TEPSIN: variants seen among roughly 807,000 people sequenced by gnomAD.
The protein encoded by TEPSIN is AP-4 complex accessory subunit tepsin.
Under a neutral mutation model 48.5 loss-of-function variants are expected in TEPSIN, and 50 were observed. The ratio of observed to expected loss-of-function variants is 1.03; its 90% CI spans 0.82 to 1.31. The LOEUF is 1.31. Ranked by LOEUF, TEPSIN falls within the 50% of genes most tolerant of loss-of-function variation. The pLI, the probability that TEPSIN is intolerant of heterozygous loss-of-function variation, is 0.00. For synonymous variants in TEPSIN, 392 were observed against 358.8 expected (o/e 1.09, Z -1.05); for missense variants, 838 against 815.9 (o/e 1.03, Z -0.33).
chr17:81,232,565 C>G, intron 7 of TEPSIN, 47 bp from the exon 8 acceptor site: 1 of 1,488,140 alleles, frequency 6.7e-7, no homozygotes, highest in South Asian at 1.2e-5. Flanking sequence ...GTGCGGCCCC[C>G]ACCCGCGTTC....
Position 81,229,388 on chromosome 17 carries a change from C to A in TEPSIN, c.1322G>T (p.Gly441Val), listed in dbSNP as rs764451646. 8 of 1,553,244 alleles carry A rather than the reference C, an allele frequency of 5.2e-6. No individual in the cohort carries two copies. The highest frequency in any genetic ancestry group is 1.2e-5 in the South Asian group (1 of 84,228). Residue 441 changes from glycine (G) to valine (V), a missense_variant, in exon 13 of 13, where the codon GGC becomes GTC. Gly to Val is a moderately radical substitution (Grantham distance 109). Transcript: ENST00000637944. Reference protein sequence around the residue: ...AEPGPTAALPGPSDLLTDAVP... With the variant: ...AEPGPTAALPVPSDLLTDAVP... ...AGCGTCGGTCAGCAGGTCAGATGGGCCTGGGAGGGCGGCTGTGGGGCCAGG... is the reference window on the plus strand; with the variant it reads ...AGCGTCGGTCAGCAGGTCAGATGGGACTGGGAGGGCGGCTGTGGGGCCAGG...
At chr17:81,231,798 G>A (rs2062617651) in intron 9 of TEPSIN, 49 bp downstream of exon 9, 3 of 1,608,154 alleles carry the variant, frequency 1.9e-6, no homozygotes, top group Non-Finnish European at 2.5e-6. Flanking sequence ...GAGGGGGACA[G>A]TGTGGTGCCT....
chr17:81,232,549 C>A, intron 7 of TEPSIN, 31 bp from the exon 8 acceptor site: 1 of 1,518,652 alleles, frequency 6.6e-7, no homozygotes, highest in Non-Finnish European at 8.8e-7. Flanking sequence ...ATGGGACGGC[C>A]GCCCAGTGCG....
chr17:81,229,641 T>A, intron 12 of TEPSIN, 165 bp from the exon 13 acceptor site: 1 of 705,534 alleles, frequency 1.4e-6, no homozygotes, highest in Non-Finnish European at 2.4e-6. Context: ...GTGCACCCAG[T>A]TGTCATCCCA....
At position 81,232,534 on chromosome 17, in the gene TEPSIN, G is replaced by C; in HGVS notation, c.527-16C>G. On this transcript the variant is annotated splice_polypyrimidine_tract_variant and intron_variant, in intron 7 of 12. Transcript: ENST00000637944. ...CCTGCCGAGCCTGTACCCGAGGAGA[G>C]GGAGATGGGACGGCCGCCCAGTGCG... 6.6e-7 allele frequency: 1 copy of C among 1,525,208 alleles called. No individual in the cohort carries two copies. Among genetic ancestry groups the C allele is most frequent in the Non-Finnish European group, 8.8e-7 (1 of 1,139,814 alleles). The allele number at this position is 1,525,208 out of a possible 1,614,324, so 94.5% of individuals were successfully genotyped here. A position where few individuals can be genotyped will look rare whatever the true frequency, so the allele number is the denominator to read the frequency against.
chr17:81,230,581 A>G lies in TEPSIN; in HGVS notation c.1196T>C (p.Met399Thr). The change falls in exon 12 of 13, where the codon ATG (methionine) becomes ACG (threonine). Residue 399 changes from methionine to threonine, a missense_variant. By Grantham distance (81) the Met-to-Thr change is moderately conservative (BLOSUM62 -1). Transcript: ENST00000637944. The surrounding 1 kb of genome is among the most constrained non-coding windows in gnomAD (Gnocchi z 4.2). ...RTRPWLQELS[M>T]GSPGPVTNKA... is the part of the protein sequence containing the mutation. ...GTTGGTCACAGGTCCCGGGCTGCCC[A>G]TGCTGAGCTCCTGCAGCCACGGCCG... is the stretch of plus-strand genomic sequence containing the variant. 6.2e-7 allele frequency: 1 copy of G among 1,611,710 alleles called. No homozygotes were observed. The highest frequency in any genetic ancestry group is 8.5e-7 in the Non-Finnish European group (1 of 1,179,108).
At chr17:81,238,293 C>T (rs1425534297) in intron 1 of TEPSIN, 2 of 480,770 alleles carry the variant, frequency 4.2e-6, no homozygotes, top group East Asian at 1.5e-4. Context: ...AACTGCAGAA[C>T]GCAGCACAGA....
chr17:81,233,286 G>C lies in TEPSIN; in HGVS notation c.526+146C>G. 2 of 938,808 alleles carry C rather than the reference G, an allele frequency of 2.1e-6. No individual in the cohort carries two copies. Among genetic ancestry groups the C allele is most frequent in the South Asian group, 3.4e-5 (2 of 59,434 alleles). The allele number at this position is 938,808 out of a possible 1,614,324, so 58.2% of individuals were successfully genotyped here. A position where few individuals can be genotyped will look rare whatever the true frequency, so the allele number is the denominator to read the frequency against. The stretch of plus-strand genomic sequence containing the variant: ...CGTCAGCAGCCAGAGAGAGACAGTG[G>C]GGACAGCCCCAGGAAGGGTTGAGGC... On this transcript the variant is annotated intron_variant, in intron 7 of 12. Transcript: ENST00000637944. The surrounding 1 kb of genome is among the most constrained non-coding windows in gnomAD (Gnocchi z 5.8).
chr17:81,232,794 G>C, intron 7 of TEPSIN: 3 of 429,850 alleles, frequency 7.0e-6, no homozygotes, highest in Non-Finnish European at 1.2e-5. Context: ...TGTCCTAAGG[G>C]GCTTGGGCTT....
In TEPSIN at chr17:81,230,775, T is replaced by C. The variant is rs955756133; in HGVS notation, c.1099-97A>G. ...TCTCTCTCCCTCTTCTTCCTCCTCA[T>C]CAATGACTGGAGTGCCAGGAGGCCC... On this transcript the variant is annotated intron_variant, in intron 11 of 12. Transcript: ENST00000637944. The surrounding 1 kb of genome is among the most constrained non-coding windows in gnomAD (Gnocchi z 4.2). 3.5e-6 allele frequency: 5 copies of C among 1,409,034 alleles called. No individual in the cohort carries two copies. The highest frequency in any genetic ancestry group is 3.7e-6 in the Non-Finnish European group (4 of 1,072,174). The allele number at this position is 1,409,034 out of a possible 1,614,324, so 87.3% of individuals were successfully genotyped here. A position where few individuals can be genotyped will look rare whatever the true frequency, so the allele number is the denominator to read the frequency against.
intron 3 of TEPSIN, 37 bp from the exon 4 acceptor site, chr17:81,236,838 G>A (rs748568089): frequency 7.1e-6 from 11 of 1,548,708 alleles, no homozygotes; most frequent in East Asian, 2.4e-5. Flanking sequence ...TGGGCAGGCC[G>A]GACACGGGAC....
rs2062660723 is a variant in TEPSIN at position 81,233,466 on chromosome 17, C to T, written c.492G>A (p.Gln164=). The change falls in exon 7 of 13, where the codon CAG becomes CAA. Residue 164 remains glutamine, a synonymous_variant. Transcript: ENST00000637944. The surrounding 1 kb of genome is among the most constrained non-coding windows in gnomAD (Gnocchi z 5.8). ...CGTGTTCCTTGCTGTAGCCGAAACC[C>T]TGGAGGGTGCTGTGCGGCCTGGCCT... The part of the protein sequence containing the change: ...GSQARPHSTL[Q]GFGYSKEHGR... The T allele has an allele frequency of 3.1e-6, 5 of 1,610,292 alleles. No individual in the cohort carries two copies. Among genetic ancestry groups the T allele is most frequent in the South Asian group, 1.1e-5 (1 of 90,814 alleles).
intron 11 of TEPSIN, chr17:81,231,062 C>T: frequency 2.0e-6 from 1 of 510,442 alleles, no homozygotes; most frequent in Non-Finnish European, 3.5e-6. Context: ...CACACGTGTC[C>T]ACACTTTCAT....
At chr17:81,237,999 T>C (rs1370521862) in intron 1 of TEPSIN, 1 of 996,834 alleles carries the variant, frequency 1.0e-6, no homozygotes, top group Non-Finnish European at 1.2e-6. Flanking sequence ...CATGCTTACT[T>C]ACTGGCACAA....
chr17:81,231,047 A>C (rs555495563), intron 11 of TEPSIN: 20 of 498,408 alleles, frequency 4.0e-5, no homozygotes, highest in African/African-American at 3.9e-4. Flanking sequence ...CCCCCGACAC[A>C]CGCACACACG....
rs913298594 is a variant in TEPSIN, at chr17:81,231,335, GCACACA to G, written c.1098+57_1098+62del. The G allele has an allele frequency of 8.8e-5, 120 of 1,370,032 alleles. No homozygotes were observed. In the African/African-American group the frequency reaches 2.2e-3, roughly 25 times the overall value. 84.9% of individuals were successfully genotyped at this position (1,370,032 alleles called of 1,614,324 possible). ...GGCACACGTGCACACACACGCACAC[GCACACA>G]CACGCACACAGGCACATGCACACAG... is the stretch of plus-strand genomic sequence containing the variant. On this transcript the variant is annotated intron_variant, in intron 11 of 12. Transcript: ENST00000637944.
In TEPSIN at chr17:81,231,848, TTTC is replaced by T. The variant is rs1435014274; in HGVS notation, c.901_903del (p.Glu301del). 1 of 1,613,098 alleles carries T rather than the reference TTTC, an allele frequency of 6.2e-7. No individual in the cohort carries two copies. Among genetic ancestry groups the T allele is most frequent in the Non-Finnish European group, 8.5e-7 (1 of 1,179,926 alleles). ...ACATATCTGGCAGCTCCCGCTCACC[TTTC>T]TGCCAGGTCACCCGGCTCCCGGCTG... On this transcript the variant is annotated inframe_deletion and splice_region_variant, in exon 9 of 13. Coordinates refer to ENST00000637944, the MANE Select transcript of TEPSIN (RefSeq NM_001363764.2).
At chr17:81,238,912 C>T (rs1273402839) in intron 1 of TEPSIN, 74 bp downstream of exon 1, 29 of 1,388,070 alleles carry the variant, frequency 2.1e-5, no homozygotes, top group East Asian at 3.1e-5. Flanking sequence ...GGCTCCGGCC[C>T]GGGGCGAGTC....
rs952041989 is a variant in TEPSIN, at chr17:81,231,491, C to A, written c.1020-15G>T. 6.4e-7 allele frequency: 1 copy of A among 1,568,440 alleles called. No individual in the cohort carries two copies. The highest frequency in any genetic ancestry group is 8.6e-7 in the Non-Finnish European group (1 of 1,156,636). On this transcript the variant is annotated splice_polypyrimidine_tract_variant and intron_variant, in intron 10 of 12. Transcript: ENST00000637944. ...GCAGTCCACACCTGCACAGAGGGGA[C>A]ACCTGGGTGGCGGGTGCGGCCCGTT...
Sources: allele counts gnomAD v4.1 joint callset, GRCh38; gene constraint gnomAD v4.1.1; non-coding constraint Gnocchi (gnomAD v3.1); transcripts MANE v1.5; gene names NCBI Gene and HGNC (gene_info 2026-07-23, HGNC 2026-07-21).